Variants in C11orf65 observed in about 807,000 individuals in gnomAD.
C11orf65 encodes the protein protein MFI.
C11orf65 carries 38 observed loss-of-function variants against 35.3 expected under a neutral mutation model. That is an observed-to-expected ratio of 1.08 (90% confidence interval 0.83 to 1.41). The LOEUF (loss-of-function observed/expected upper bound fraction) is 1.41, where lower values mean the gene tolerates loss of function less well. C11orf65 is among the 40% of genes most tolerant of loss of function. C11orf65 has a pLI of 0.00. For synonymous variants in C11orf65, 105 were observed against 114.4 expected (o/e 0.92, Z 0.53); for missense variants, 370 against 367.1 (o/e 1.01, Z -0.06).
chr11:108,363,589 G>A (rs1330843294), intron 2 of C11orf65, among the ~76,000 whole-genome samples: 1 of 152,140 alleles, frequency 6.6e-6, no homozygotes, highest in Non-Finnish European at 1.5e-5. Flanking sequence ...AGAGGCCAGG[G>A]ATGCTGCTGA....
chr11:108,376,373 G>A (rs1197080867), intron 2 of C11orf65, among the ~76,000 whole-genome samples: 2 of 152,142 alleles, frequency 1.3e-5, no homozygotes, highest in African/African-American at 4.8e-5. Flanking sequence ...ACCTGCTCCT[G>A]AATGGGTACA....
At chr11:108,362,595 T>C (rs1186444577) in intron 2 of C11orf65, among the ~76,000 whole-genome samples, 1 of 149,628 alleles carries the variant, frequency 6.7e-6, no homozygotes, top group Non-Finnish European at 1.5e-5. Context: ...GTAGCACATA[T>C]ACACCATGGA....
chr11:108,425,919 C>A (rs567600893), intron 3 of C11orf65, among the ~76,000 whole-genome samples: 1 of 152,162 alleles, frequency 6.6e-6, no homozygotes, highest in Non-Finnish European at 1.5e-5. Flanking sequence ...TCAATAGATG[C>A]AGAAAAGGCC....
chr11:108,467,863 G>A (rs1057012631), upstream of C11orf65, among the ~76,000 whole-genome samples: 3 of 152,092 alleles, frequency 2.0e-5, no homozygotes, highest in Admixed American at 6.6e-5. Flanking sequence ...CTCAATCTGT[G>A]GCCGAGGCTG....
At chr11:108,414,819 A>C (rs2092708167) in intron 3 of C11orf65, among the ~76,000 whole-genome samples, 1 of 152,088 alleles carries the variant, frequency 6.6e-6, no homozygotes, top group Non-Finnish European at 1.5e-5. Context: ...ATCCTCAAAA[A>C]TTTAGTAAGT....
intron 2 of C11orf65, among the ~76,000 whole-genome samples, chr11:108,433,253 A>C (rs75863967): frequency 0.011 from 1,657 of 147,212 alleles, 27 homozygotes; most frequent in African/African-American, 0.039. Flanking sequence ...ATATATATAT[A>C]TCTCTCTCTA....
At chr11:108,451,887 G>C (rs1041956957) in intron 2 of C11orf65, among the ~76,000 whole-genome samples, 3 of 152,064 alleles carry the variant, frequency 2.0e-5, no homozygotes, top group Admixed American at 1.3e-4. Context: ...ACAAACCTGA[G>C]AAAAACAAGC....
chr11:108,315,999 C>T lies in C11orf65; in HGVS notation c.641-6928G>A, dbSNP rs781200134. The T allele has an allele frequency of 1.2e-6, 2 of 1,613,410 alleles. No individual in the cohort carries two copies. The highest frequency in any genetic ancestry group is 2.7e-5 in the African/African-American group (2 of 74,912). The stretch of plus-strand genomic sequence containing the variant: ...TAAAACCCAAAGCTATTTTCACAAT[C>T]TTTTCTTATAGACTACGAACATATG... On this transcript the variant is annotated intron_variant, in intron 6 of 6. Transcript: ENST00000525729.
At chr11:108,365,241 C>T (rs2137891944) in intron 2 of C11orf65, 1 of 1,614,160 alleles carries the variant, frequency 6.2e-7, no homozygotes, top group Non-Finnish European at 8.5e-7. Flanking sequence ...TTAAGAAGGT[C>T]CTGTTGTCAG....
At chr11:108,357,210 CCCA>C (rs1272422360) in intron 2 of C11orf65, among the ~76,000 whole-genome samples, 1 of 152,202 alleles carries the variant, frequency 6.6e-6, no homozygotes, top group African/African-American at 2.4e-5. Flanking sequence ...TCGGGTCACT[CCCA>C]CCCGAATATT....
chr11:108,442,491 C>T (rs2093171255), intron 2 of C11orf65, among the ~76,000 whole-genome samples: 1 of 152,126 alleles, frequency 6.6e-6, no homozygotes, highest in Non-Finnish European at 1.5e-5. Flanking sequence ...AAAGATACTC[C>T]TCGAGAAGAG....
chr11:108,339,667 A>G (rs1164733627), intron 2 of C11orf65, among the ~76,000 whole-genome samples: 6 of 152,168 alleles, frequency 3.9e-5, no homozygotes, highest in Admixed American at 6.5e-5. Context: ...TGAGACTCTA[A>G]GCTGAGGTAG....
At chr11:108,404,841 G>A (rs149448256) in intron 6 of C11orf65, among the ~76,000 whole-genome samples, 55 of 152,282 alleles carry the variant, frequency 3.6e-4, no homozygotes, top group African/African-American at 1.2e-3. Context: ...TTGAAATCAA[G>A]TAGTATAGTT....
chr11:108,410,154 AT>A (rs2092628500), intron 3 of C11orf65, among the ~76,000 whole-genome samples: 1 of 152,092 alleles, frequency 6.6e-6, no homozygotes, highest in Non-Finnish European at 1.5e-5. Context: ...TTTTGTAACA[AT>A]CCCCCCACCA....
At position 108,405,313 on chromosome 11, in the gene C11orf65, T is replaced by C. The variant is rs1428092677; in HGVS notation, c.560+116A>G. 2.5e-5 allele frequency: 26 copies of C among 1,025,320 alleles called. No individual in the cohort carries two copies. In the South Asian group the frequency reaches 4.1e-4, roughly 16 times the overall value. The allele number at this position is 1,025,320 out of a possible 1,614,324, so 63.5% of individuals were successfully genotyped here. A position where few individuals can be genotyped will look rare whatever the true frequency, so the allele number is the denominator to read the frequency against. The stretch of plus-strand genomic sequence containing the variant: ...TATTCATCTGTCGTTTGGGTCAGGG[T>C]CTGCGGGCAGACCCCCTGCAGCTAA... On this transcript the variant is annotated intron_variant, in intron 6 of 8. Coordinates refer to ENST00000393084, the MANE Select transcript of C11orf65 (RefSeq NM_152587.5).
chr11:108,451,601 A>G (rs1381029072), intron 2 of C11orf65, among the ~76,000 whole-genome samples: 2 of 152,042 alleles, frequency 1.3e-5, no homozygotes, highest in Admixed American at 6.5e-5. Context: ...TATAGATTCA[A>G]TGCCATCCCC....
intron 2 of C11orf65, among the ~76,000 whole-genome samples, chr11:108,338,409 C>CT (rs111965167): frequency 3.5e-4 from 53 of 152,264 alleles, no homozygotes; most frequent in African/African-American, 1.3e-3. Flanking sequence ...AATCTCAGCA[C>CT]TTTGAGAGGC....
At chr11:108,380,438 A>G (rs2138229654), downstream of C11orf65, among the ~76,000 whole-genome samples, 1 of 152,334 alleles carries the variant, frequency 6.6e-6, no homozygotes, top group Non-Finnish European at 1.5e-5. Context: ...TGTCATAACA[A>G]TTGACTTATA....
intron 6 of C11orf65, among the ~76,000 whole-genome samples, chr11:108,321,017 C>T (rs1322871824): frequency 2.0e-5 from 3 of 152,148 alleles, no homozygotes; most frequent in Non-Finnish European, 2.9e-5. Context: ...ATCCTTGCCA[C>T]CTTCATGTTG....
Sources: gnomAD v4.1 joint callset for allele counts (sites outside exome capture counted in the v4.1 genomes callset) on GRCh38, gnomAD v4.1.1 for gene constraint, MANE v1.5 for transcripts, NCBI Gene and HGNC (gene_info 2026-07-23, HGNC 2026-07-21) for gene names.